The following MRAP variants were observed in gnomAD, a reference collection of about 807,000 sequenced individuals.
MRAP encodes the protein melanocortin-2 receptor accessory protein.
Under a neutral mutation model 8.7 loss-of-function variants are expected in MRAP, and 8 were observed. The observed-to-expected ratio is 0.92, with a 90% CI of 0.54 to 1.66. The LOEUF is 1.66. Ranked by LOEUF, MRAP falls within the 40% of genes most tolerant of loss-of-function variation. The pLI, the probability that MRAP is intolerant of heterozygous loss-of-function variation, is 0.00. For missense variants in MRAP, 237 were observed against 217.1 expected (o/e 1.09, Z -0.58); for synonymous variants, 95 against 95.5 (o/e 1.00, Z 0.03).
At chr21:32,299,738 G>C (rs2032214681) in intron 1 of MRAP, among the ~76,000 whole-genome samples, 1 of 152,190 alleles carries the variant, frequency 6.6e-6, no homozygotes, top group Non-Finnish European at 1.5e-5. Context: ...TCTGTATTTA[G>C]ATTTGGGACA....
intron 1 of MRAP, among the ~76,000 whole-genome samples, chr21:32,292,820 G>A (rs1427740570): frequency 6.6e-6 from 1 of 151,796 alleles, no homozygotes; most frequent in African/African-American, 2.4e-5. Flanking sequence ...AACTTTTATA[G>A]CAAAAATCTT....
At chr21:32,310,133 G>A (rs191580957) in intron 2 of MRAP, among the ~76,000 whole-genome samples, 111 of 152,294 alleles carry the variant, frequency 7.3e-4, no homozygotes, top group Admixed American at 1.7e-3. Flanking sequence ...CCTCCACCAC[G>A]CCCAGCTCCC....
chr21:32,296,600 T>A (rs755327899), upstream of MRAP, among the ~76,000 whole-genome samples: 6 of 152,190 alleles, frequency 3.9e-5, no homozygotes, highest in Non-Finnish European at 8.8e-5. Context: ...ACACCTCGGC[T>A]GAACGGCCTA....
At chr21:32,307,876 C>A (rs1335126658) in intron 2 of MRAP, among the ~76,000 whole-genome samples, 3 of 151,762 alleles carry the variant, frequency 2.0e-5, no homozygotes, top group Non-Finnish European at 2.9e-5. Context: ...CCTGTCTCAA[C>A]AAACAAACAA....
At chr21:32,308,902 G>C (rs1452676477) in intron 2 of MRAP, among the ~76,000 whole-genome samples, 1 of 152,196 alleles carries the variant, frequency 6.6e-6, no homozygotes, top group Non-Finnish European at 1.5e-5. Context: ...TAGGAAGCTG[G>C]TCAGCAGAGA....
At position 32,311,723 on chromosome 21, in the gene MRAP, C is replaced by A. The variant is rs541232131; in HGVS notation, c.246C>A (p.His82Gln). The A allele has an allele frequency of 1.2e-6, 2 of 1,614,004 alleles. No individual in the cohort carries two copies. Among genetic ancestry groups the A allele is most frequent in the East Asian group, 2.2e-5 (1 of 44,876 alleles). ...PKHHQTCPWS[H>Q]GLNLHLCIQK... The stretch of plus-strand genomic sequence containing the variant: ...ACCACCAAACATGCCCCTGGAGTCA[C>A]GGCCTCAACCTCCACCTCTGCATCC... Residue 82 changes from histidine (H) to glutamine (Q), a missense_variant, in exon 3 of 3, where the codon CAC becomes CAA. Transcript: ENST00000303645.
At chr21:32,311,413 CCA>C in intron 2 of MRAP, 1 of 259,736 alleles carries the variant, frequency 3.9e-6, no homozygotes, top group South Asian at 1.0e-4. Context: ...CCTCCACCCC[CCA>C]CCCCCCCCAT....
chr21:32,300,854 CA>C (rs1026306821), intron 1 of MRAP, among the ~76,000 whole-genome samples: 10 of 150,676 alleles, frequency 6.6e-5, no homozygotes, highest in East Asian at 5.9e-4. Context: ...CGCCCTATGT[CA>C]GGGGCGTCAT....
At chr21:32,304,523 G>A (rs898165844) in intron 1 of MRAP, among the ~76,000 whole-genome samples, 71 of 151,992 alleles carry the variant, frequency 4.7e-4, no homozygotes, top group African/African-American at 1.6e-3. Context: ...GCTGAGGCGG[G>A]AGAACGACTT....
chr21:32,298,132 T>C (rs2032174860), upstream of MRAP, among the ~76,000 whole-genome samples: 1 of 152,232 alleles, frequency 6.6e-6, no homozygotes, highest in South Asian at 2.1e-4. Context: ...CTCTTGTTAG[T>C]GTCTGAGGAT....
chr21:32,305,376 G>A (rs887584503), intron 1 of MRAP, among the ~76,000 whole-genome samples: 2 of 152,126 alleles, frequency 1.3e-5, no homozygotes, highest in Non-Finnish European at 2.9e-5. Flanking sequence ...TGGCAGAGAT[G>A]ACATCCTTTA....
upstream of MRAP, among the ~76,000 whole-genome samples, chr21:32,296,540 T>C (rs2032142268): frequency 2.0e-5 from 3 of 152,206 alleles, no homozygotes; most frequent in South Asian, 4.1e-4. Flanking sequence ...CGTTATTGTG[T>C]GAACATCAGA....
intron 2 of MRAP, chr21:32,311,363 A>C: frequency 2.7e-6 from 1 of 369,416 alleles, no homozygotes; most frequent in Non-Finnish European, 5.0e-6. Flanking sequence ...AAAATGAACT[A>C]CACTCAGATA....
chr21:32,299,111 G>GGCT, intron 1 of MRAP, 34 bp downstream of exon 1: 1 of 1,574,538 alleles, frequency 6.4e-7, no homozygotes, highest in Non-Finnish European at 8.7e-7. Context: ...GTCAGACAGA[G>GGCT]GCTGGGGGCC....
At position 32,300,702 on chromosome 21, in the gene MRAP, G is replaced by A. The variant is rs558849618; in HGVS notation, c.106+1625G>A. On this transcript the variant is annotated intron_variant, in intron 1 of 2. Transcript: ENST00000303645. ...GTGTCACGCGTCCTATGTCAGGGGCGTCATGCGTCCTATGTCGGGGCGTCA... is the reference window on the plus strand; with the variant it reads ...GTGTCACGCGTCCTATGTCAGGGGCATCATGCGTCCTATGTCGGGGCGTCA... Among the ~76,000 whole-genome samples the A allele has an allele frequency of 2.5e-4, 4 of 16,304 alleles. 1 individual carries two copies. Among genetic ancestry groups the A allele is most frequent in the African/African-American group, 5.8e-4 (4 of 6,846 alleles). 10.7% of individuals were successfully genotyped at this position (16,304 alleles called of 152,430 possible). A position where few individuals can be genotyped will look rare whatever the true frequency, so the allele number is the denominator to read the frequency against.
chr21:32,312,294 G>A (rs535852507), downstream of MRAP: 105 of 1,340,822 alleles, frequency 7.8e-5, no homozygotes, highest in Middle Eastern at 2.9e-4. Context: ...AGGAAAAGCT[G>A]TTTGCTTACT....
chr21:32,314,567 T>TG, downstream of MRAP: 2 of 1,613,988 alleles, frequency 1.2e-6, no homozygotes, highest in Non-Finnish European at 1.7e-6. Context: ...CACAGATGAA[T>TG]CTCTTCTGCA....
At chr21:32,305,823 G>A (rs1375799765) in intron 1 of MRAP, among the ~76,000 whole-genome samples, 2 of 151,442 alleles carry the variant, frequency 1.3e-5, no homozygotes, top group South Asian at 2.1e-4. Context: ...AAAAACTGTC[G>A]TGCTAGAAAG....
At position 32,311,681 on chromosome 21, in the gene MRAP, C is replaced by T. The variant is rs1427478742; in HGVS notation, c.207-3C>T. The T allele has an allele frequency of 2.0e-5, 32 of 1,613,770 alleles. No individual in the cohort carries two copies. Among genetic ancestry groups the T allele is most frequent in the Non-Finnish European group, 2.7e-5 (32 of 1,179,924 alleles). ...CCTGCCTCCCACTCTGCTCTGTTCACAGGAACAGCCCCAAGCACCACCAAA... is the reference window on the plus strand; with the variant it reads ...CCTGCCTCCCACTCTGCTCTGTTCATAGGAACAGCCCCAAGCACCACCAAA... On this transcript the variant is annotated splice_polypyrimidine_tract_variant and splice_region_variant and intron_variant, in intron 2 of 2. Coordinates refer to ENST00000303645, the MANE Select transcript of MRAP (RefSeq NM_001379228.1).
Sources: gnomAD v4.1 joint callset for allele counts (sites outside exome capture counted in the v4.1 genomes callset) on GRCh38, gnomAD v4.1.1 for gene constraint, MANE v1.5 for transcripts, NCBI Gene and HGNC (gene_info 2026-07-23, HGNC 2026-07-21) for gene names.